Variants in CTNNA3 observed in about 807,000 individuals in gnomAD.
The protein encoded by CTNNA3 is catenin alpha-3.
CTNNA3 carries 76 observed loss-of-function variants against 95.7 expected under a neutral mutation model. The observed-to-expected ratio is 0.79, with a 90% confidence interval of 0.66 to 0.96. The LOEUF (loss-of-function observed/expected upper bound fraction) is 0.96. CTNNA3 is among the 40% of genes least tolerant of loss of function. The probability of loss-of-function intolerance (pLI) is 0.00; values close to 1 mark genes in which losing one functional copy is unlikely to be tolerated. For missense variants in CTNNA3, 1,191 were observed against 1,089.8 expected, an observed-to-expected ratio of 1.09 and a Z score of -1.31; for synonymous variants, 431 against 374.4, an observed-to-expected ratio of 1.15 and a Z score of -1.74.
At chr10:66,785,885 C>T (rs528227677) in intron 7 of CTNNA3, among the ~76,000 whole-genome samples, 2 of 152,214 alleles carry the variant, frequency 1.3e-5, no homozygotes, top group South Asian at 2.1e-4. Context: ...CACTCTCTTC[C>T]CCCAACCCCC....
intron 11 of CTNNA3, among the ~76,000 whole-genome samples, chr10:66,452,256 T>C (rs2093469328): frequency 6.6e-6 from 1 of 152,208 alleles, no homozygotes; most frequent in Non-Finnish European, 1.5e-5. Flanking sequence ...TTATTTCGTG[T>C]ACTGTATTTT....
In CTNNA3 at chr10:67,504,113, C is replaced by T. The variant is rs189718953; in HGVS notation, c.579+17729G>A. ...TGGAGCTTGCAGTGAGCCGAGATCA[C>T]GCCACTGCACTCCAGCCTGGGCAAC... On this transcript the variant is annotated intron_variant, in intron 5 of 17. Coordinates refer to ENST00000433211, the MANE Select transcript of CTNNA3 (RefSeq NM_013266.4). 7.2e-3 allele frequency among the ~76,000 whole-genome samples: 1,067 copies of T among 149,216 alleles called. 16 individuals are homozygous for T. Among genetic ancestry groups the T allele is most frequent in the African/African-American group, 0.025 (993 of 40,332 alleles).
chr10:66,154,183 T>C (rs1167262477), intron 13 of CTNNA3, among the ~76,000 whole-genome samples: 5 of 151,928 alleles, frequency 3.3e-5, no homozygotes, highest in Non-Finnish European at 2.9e-5. Context: ...CCAGCTTCAA[T>C]TGGTTTATTT....
At chr10:67,112,290 G>A (rs1858946382) in intron 7 of CTNNA3, among the ~76,000 whole-genome samples, 1 of 151,928 alleles carries the variant, frequency 6.6e-6, no homozygotes, top group African/African-American at 2.4e-5. Context: ...CCTTTGGCTT[G>A]GGGTGTAATT....
intron 9 of CTNNA3, among the ~76,000 whole-genome samples, chr10:66,723,831 T>A (rs555118566): frequency 1.3e-5 from 2 of 152,162 alleles, no homozygotes. Context: ...ATCCAGGCAG[T>A]GTTAGAACAG....
At chr10:67,081,629 A>G (rs1857059360) in intron 7 of CTNNA3, among the ~76,000 whole-genome samples, 1 of 152,172 alleles carries the variant, frequency 6.6e-6, no homozygotes, top group Non-Finnish European at 1.5e-5. Context: ...GTATTCTCAT[A>G]TGTATACCTG....
intron 2 of CTNNA3, among the ~76,000 whole-genome samples, chr10:67,638,115 A>C (rs1362025002): frequency 6.6e-6 from 1 of 152,182 alleles, no homozygotes; most frequent in Non-Finnish European, 1.5e-5. Context: ...CATTCAGGAA[A>C]CCCATCTCAC....
At chr10:66,122,919 T>C (rs1454542025) in intron 13 of CTNNA3, among the ~76,000 whole-genome samples, 3 of 152,126 alleles carry the variant, frequency 2.0e-5, no homozygotes, top group Non-Finnish European at 4.4e-5. Flanking sequence ...CTCACCAGGT[T>C]CCTCCCATGA....
At chr10:66,503,152 C>T (rs1426749033) in intron 11 of CTNNA3, among the ~76,000 whole-genome samples, 1 of 152,130 alleles carries the variant, frequency 6.6e-6, no homozygotes, top group African/African-American at 2.4e-5. Context: ...CTAGGCCACT[C>T]AATATGTCCT....
chr10:65,983,573 G>T (rs948828804), intron 16 of CTNNA3, among the ~76,000 whole-genome samples: 51 of 151,330 alleles, frequency 3.4e-4, no homozygotes, highest in Admixed American at 8.6e-4. Flanking sequence ...AAATTTTTAA[G>T]AATTGTTATA....
chr10:67,448,546 AGAAT>A (rs894879573), intron 5 of CTNNA3, among the ~76,000 whole-genome samples: 3 of 152,002 alleles, frequency 2.0e-5, no homozygotes, highest in South Asian at 4.1e-4. Context: ...TAATCAAAGA[AGAAT>A]GAATGAATGA....
intron 15 of CTNNA3, among the ~76,000 whole-genome samples, chr10:66,014,093 T>G (rs1254663894): frequency 1.3e-5 from 2 of 150,350 alleles, no homozygotes; most frequent in African/African-American, 2.4e-5. Context: ...CTTAGACCTT[T>G]CATTATACGC....
At chr10:67,129,228 G>A (rs1425558363) in intron 7 of CTNNA3, among the ~76,000 whole-genome samples, 2 of 152,094 alleles carry the variant, frequency 1.3e-5, no homozygotes, top group African/African-American at 2.4e-5. Flanking sequence ...TTTTTTCAGT[G>A]GAACCATGTT....
At chr10:66,648,006 T>C (rs541734118) in intron 9 of CTNNA3, among the ~76,000 whole-genome samples, 2 of 152,226 alleles carry the variant, frequency 1.3e-5, no homozygotes, top group African/African-American at 2.4e-5. Flanking sequence ...AAGCCCCCTA[T>C]AAAAATTTGG....
At chr10:67,108,285 C>G (rs2131963391) in intron 7 of CTNNA3, among the ~76,000 whole-genome samples, 1 of 152,118 alleles carries the variant, frequency 6.6e-6, no homozygotes, top group African/African-American at 2.4e-5. Flanking sequence ...TAAGAAGCTA[C>G]TTTAGTTTTT....
chr10:67,461,554 T>G (rs1215155377), intron 5 of CTNNA3, among the ~76,000 whole-genome samples: 1 of 152,182 alleles, frequency 6.6e-6, no homozygotes, highest in African/African-American at 2.4e-5. Context: ...TTTGCAATTT[T>G]CTGAATCACC....
chr10:66,125,031 G>A (rs184128276), intron 13 of CTNNA3, among the ~76,000 whole-genome samples: 17 of 152,048 alleles, frequency 1.1e-4, no homozygotes, highest in Non-Finnish European at 2.2e-4. Context: ...CTTCAAAAAC[G>A]AAGAAGAAAT....
intron 7 of CTNNA3, among the ~76,000 whole-genome samples, chr10:66,930,445 T>G (rs891256591): frequency 2.6e-5 from 4 of 152,144 alleles, no homozygotes. Context: ...AAATACATAT[T>G]CCATCTTAAA....
chr10:67,583,012 C>T (rs1166941047), intron 3 of CTNNA3, among the ~76,000 whole-genome samples: 1 of 152,050 alleles, frequency 6.6e-6, no homozygotes, highest in Admixed American at 6.6e-5. Context: ...ACTCTTTACC[C>T]AATTTGCCAG....
Sources: gnomAD v4.1 joint callset for allele counts (sites outside exome capture counted in the v4.1 genomes callset) on GRCh38, gnomAD v4.1.1 for gene constraint, MANE v1.5 for transcripts, NCBI Gene and HGNC (gene_info 2026-07-23, HGNC 2026-07-21) for gene names.